Variants in RBM27 observed in about 807,000 individuals in gnomAD.
The protein encoded by RBM27 is RNA-binding protein 27.
A neutral mutation model predicts 135.3 loss-of-function variants in RBM27; 22 were observed. The observed-to-expected ratio is 0.16, with a 90% CI of 0.12 to 0.23. The LOEUF is 0.23. Ranked by LOEUF, RBM27 falls within the 10% of genes least tolerant of loss-of-function variation. RBM27 has a pLI of 1.00. For missense variants in RBM27, 1,009 were observed against 1,281.0 expected, an observed-to-expected ratio of 0.79 and a Z score of 3.24; for synonymous variants, 481 against 442.4, an observed-to-expected ratio of 1.09 and a Z score of -1.10.
At chr5:146,252,018 C>A in intron 9 of RBM27, 143 bp downstream of exon 9, 1 of 959,128 alleles carries the variant, frequency 1.0e-6, no homozygotes, top group Non-Finnish European at 1.6e-6. Context: ...TGCTCCTTTG[C>A]TTCTTTGGTT....
intron 8 of RBM27, among the ~76,000 whole-genome samples, chr5:146,245,965 C>A (rs924880481): frequency 2.6e-5 from 4 of 152,158 alleles, no homozygotes; most frequent in African/African-American, 9.7e-5. Context: ...TGACCTGATT[C>A]ATGTTGTATT....
In RBM27 at chr5:146,230,018, G is replaced by A; in HGVS notation, c.589+108G>A. 3.1e-6 allele frequency: 4 copies of A among 1,286,424 alleles called. No homozygotes were observed. The South Asian group carries it at 5.9e-5, about 19-fold the overall frequency. 79.7% of individuals were successfully genotyped at this position (1,286,424 alleles called of 1,614,324 possible). Reference sequence around the variant, plus strand: ...TGTACCTTTAATATGTCTGAGCAGTGTAAAAACTGGAATTGTCTCAAGAAG... The same window carrying A: ...TGTACCTTTAATATGTCTGAGCAGTATAAAAACTGGAATTGTCTCAAGAAG... On this transcript the variant is annotated intron_variant, in intron 5 of 20. Transcript: ENST00000265271.
chr5:146,237,571 GT>G (rs1757224013), intron 8 of RBM27, 139 bp downstream of exon 8: 3 of 1,011,082 alleles, frequency 3.0e-6, no homozygotes, highest in Admixed American at 5.1e-5. Context: ...TTACAATACA[GT>G]TTATCGTGTG....
intron 1 of RBM27, among the ~76,000 whole-genome samples, chr5:146,211,143 G>A (rs1755923507): frequency 6.6e-6 from 1 of 151,920 alleles, no homozygotes; most frequent in Admixed American, 6.6e-5. Flanking sequence ...AGTCAGGCAT[G>A]GTGGTTCACA....
At chr5:146,226,303 A>G (rs1348646579) in intron 3 of RBM27, among the ~76,000 whole-genome samples, 2 of 152,108 alleles carry the variant, frequency 1.3e-5, no homozygotes, top group African/African-American at 4.8e-5. Context: ...CAGTCATTGA[A>G]TCTCAGTGGT....
intron 8 of RBM27, among the ~76,000 whole-genome samples, chr5:146,243,008 G>A (rs369088608): frequency 6.6e-6 from 1 of 152,118 alleles, no homozygotes; most frequent in Non-Finnish European, 1.5e-5. Context: ...GCTCATGCCT[G>A]TAATCCCAGC....
intron 8 of RBM27, among the ~76,000 whole-genome samples, chr5:146,247,151 A>G (rs1021074829): frequency 2.6e-5 from 4 of 152,170 alleles, no homozygotes; most frequent in Non-Finnish European, 5.9e-5. Flanking sequence ...GATGTGAGCC[A>G]TCACACCTGG....
At chr5:146,252,334 C>T (rs1757925834) in intron 9 of RBM27, among the ~76,000 whole-genome samples, 1 of 152,174 alleles carries the variant, frequency 6.6e-6, no homozygotes, top group Non-Finnish European at 1.5e-5. Flanking sequence ...AAACTCTTTT[C>T]TCCTATTGAC....
intron 14 of RBM27, among the ~76,000 whole-genome samples, chr5:146,265,083 C>A (rs1332664921): frequency 6.6e-6 from 1 of 152,104 alleles, no homozygotes; most frequent in Non-Finnish European, 1.5e-5. Flanking sequence ...AACTAGTTAT[C>A]TTCCTTCTAA....
intron 6 of RBM27, among the ~76,000 whole-genome samples, chr5:146,231,257 A>G (rs913495275): frequency 1.3e-5 from 2 of 152,148 alleles, no homozygotes; most frequent in Non-Finnish European, 2.9e-5. Context: ...GGCATGTGCC[A>G]CCATGCCTGG....
chr5:146,285,320 A>G (rs998392274), intron 20 of RBM27, among the ~76,000 whole-genome samples: 17 of 152,148 alleles, frequency 1.1e-4, no homozygotes, highest in Admixed American at 1.0e-3. Flanking sequence ...TTATATGACA[A>G]TCTTGGTTTT....
intron 8 of RBM27, among the ~76,000 whole-genome samples, chr5:146,239,467 C>CTTTTTTT (rs368919868): frequency 5.0e-4 from 65 of 130,760 alleles, no homozygotes; most frequent in African/African-American, 1.6e-3. Flanking sequence ...TTTTTTTTTC[C>CTTTTTTT]TTTTCTTTTT....
At chr5:146,273,356 T>G (rs1482074940) in intron 19 of RBM27, among the ~76,000 whole-genome samples, 1 of 152,140 alleles carries the variant, frequency 6.6e-6, no homozygotes, top group Non-Finnish European at 1.5e-5. Context: ...AATAACCAAT[T>G]TTTATGTACA....
intron 13 of RBM27, among the ~76,000 whole-genome samples, chr5:146,262,170 C>G (rs78681802): frequency 4.6e-5 from 7 of 152,200 alleles, no homozygotes; most frequent in African/African-American, 1.7e-4. Flanking sequence ...TCTGTAGAGT[C>G]AGTCTCTAGA....
intron 18 of RBM27, 136 bp downstream of exon 18, chr5:146,271,194 A>T: frequency 7.9e-6 from 5 of 636,216 alleles, no homozygotes. Context: ...TGAGGTCAAG[A>T]GTTTGAGACA....
At chr5:146,228,006 G>A (rs1561532932) in intron 3 of RBM27, among the ~76,000 whole-genome samples, 3 of 152,056 alleles carry the variant, frequency 2.0e-5, no homozygotes, top group Non-Finnish European at 2.9e-5. Flanking sequence ...AAACATAACC[G>A]TTTTACTCTA....
At chr5:146,210,150 G>A (rs1049114935) in intron 1 of RBM27, among the ~76,000 whole-genome samples, 2 of 152,128 alleles carry the variant, frequency 1.3e-5, no homozygotes, top group African/African-American at 4.8e-5. Flanking sequence ...TTTGTTTAAA[G>A]TAATTCCATT....
chr5:146,247,448 T>A (rs1310453156), intron 8 of RBM27, among the ~76,000 whole-genome samples: 1 of 152,232 alleles, frequency 6.6e-6, no homozygotes, highest in African/African-American at 2.4e-5. Context: ...CCTGGTTTAT[T>A]TGACGCTATA....
At chr5:146,239,741 G>T (rs952517710) in intron 8 of RBM27, among the ~76,000 whole-genome samples, 1 of 149,946 alleles carries the variant, frequency 6.7e-6, no homozygotes, top group African/African-American at 2.5e-5. Context: ...CTTGCAAAGC[G>T]CTGGGATTAC....
Sources: gnomAD v4.1 joint callset for allele counts (sites outside exome capture counted in the v4.1 genomes callset) on GRCh38, gnomAD v4.1.1 for gene constraint, MANE v1.5 for transcripts, NCBI Gene and HGNC (gene_info 2026-07-23, HGNC 2026-07-21) for gene names.